Variants in DOP1A observed in about 807,000 individuals in gnomAD.
DOP1A encodes the protein DOP1 leucine zipper like protein A.
In DOP1A, 90 loss-of-function variants were observed where a neutral mutation model predicts 267.6. The ratio of observed to expected loss-of-function variants is 0.34; its 90% CI spans 0.28 to 0.40. The LOEUF is 0.40. DOP1A is among the 10% of genes least tolerant of loss of function. DOP1A has a pLI of 1.00. For synonymous variants in DOP1A, 932 were observed against 999.1 expected (o/e 0.93, Z 1.27); for missense variants, 2,437 against 2,900.4 (o/e 0.84, Z 3.67).
chr6:83,122,129 G>A, intron 11 of DOP1A, 79 bp downstream of exon 11: 1 of 1,504,812 alleles, frequency 6.6e-7, no homozygotes, highest in Non-Finnish European at 9.0e-7. Flanking sequence ...GTAATAACTT[G>A]GGATCCTACT....
At chr6:83,128,768 C>G (rs1777580585) in intron 15 of DOP1A, 119 bp from the exon 16 acceptor site, 1 of 1,201,042 alleles carries the variant, frequency 8.3e-7, no homozygotes, top group South Asian at 1.8e-5. Flanking sequence ...CTTTAAGAGT[C>G]AACAGAATGG....
At chr6:83,166,651 A>G (rs565255370) in intron 38 of DOP1A, 15 of 1,191,512 alleles carry the variant, frequency 1.3e-5, no homozygotes, top group African/African-American at 9.4e-5. Flanking sequence ...AATTTCAACA[A>G]TGCAAAAACC....
chr6:83,144,489 CAAA>C (rs1185164598), intron 24 of DOP1A, among the ~76,000 whole-genome samples: 3 of 152,010 alleles, frequency 2.0e-5, no homozygotes, highest in Non-Finnish European at 2.9e-5. Context: ...ATGAAGCAAA[CAAA>C]GCAGTTTATT....
chr6:83,164,735 T>G, intron 38 of DOP1A: 1 of 1,578,212 alleles, frequency 6.3e-7, no homozygotes, highest in Non-Finnish European at 8.6e-7. Flanking sequence ...GGTGGCTGTT[T>G]CATGCTTATG....
intron 1 of DOP1A, among the ~76,000 whole-genome samples, chr6:83,084,485 C>T (rs978090080): frequency 2.6e-5 from 4 of 152,176 alleles, no homozygotes; most frequent in African/African-American, 9.7e-5. Context: ...AAAACTTTTT[C>T]CAAATTTTTC....
chr6:83,152,071 T>A (rs1781782205), intron 29 of DOP1A, 44 bp downstream of exon 29: 6 of 1,604,200 alleles, frequency 3.7e-6, no homozygotes, highest in Admixed American at 1.7e-5. Flanking sequence ...TAAGCAGGCA[T>A]ATATTTACTA....
intron 4 of DOP1A, among the ~76,000 whole-genome samples, chr6:83,108,109 A>T (rs1321970655): frequency 6.6e-6 from 1 of 152,192 alleles, no homozygotes; most frequent in Non-Finnish European, 1.5e-5. Context: ...TGTTATATTC[A>T]AAAAATATCT....
chr6:83,170,670 C>A (rs1442805291), downstream of DOP1A: 2 of 529,728 alleles, frequency 3.8e-6, no homozygotes, highest in South Asian at 3.0e-5. Flanking sequence ...TAAAGAATTA[C>A]CTTTGGCAAA....
intron 1 of DOP1A, among the ~76,000 whole-genome samples, chr6:83,082,824 T>G (rs76957977): frequency 6.6e-6 from 1 of 152,026 alleles, no homozygotes; most frequent in African/African-American, 2.4e-5. Context: ...TTTTTTTTTT[T>G]TGAGACCGAG....
At position 83,081,133 on chromosome 6, in the gene DOP1A, G is replaced by GT. The variant is rs535197458; in HGVS notation, c.-147+13360dup. The stretch of plus-strand genomic sequence containing the variant: ...CAAACAACTGTTGGTTTGTTCGTTT[G>GT]TTTTTTGAGACAGAGTCTCACTCTG... On this transcript the variant is annotated intron_variant, in intron 1 of 38. Coordinates refer to ENST00000349129, the MANE Select transcript of DOP1A (RefSeq NM_015018.4). Among the ~76,000 whole-genome samples the GT allele has an allele frequency of 1.2e-4, 18 of 152,180 alleles. No homozygotes were observed. The East Asian group carries it at 3.5e-3, about 29-fold the overall frequency.
At chr6:83,114,854 C>T (rs932195806) in intron 7 of DOP1A, among the ~76,000 whole-genome samples, 1 of 152,044 alleles carries the variant, frequency 6.6e-6, no homozygotes, top group East Asian at 1.9e-4. Flanking sequence ...AAAGTATACA[C>T]CCAGTTCTAA....
intron 4 of DOP1A, among the ~76,000 whole-genome samples, chr6:83,105,361 T>C (rs1273308670): frequency 7.9e-6 from 1 of 127,326 alleles, no homozygotes. Context: ...TCTTTCTTTT[T>C]TTTTTTTTTT....
At chr6:83,162,332 G>T (rs995795260) in intron 37 of DOP1A, among the ~76,000 whole-genome samples, 24 of 151,982 alleles carry the variant, frequency 1.6e-4, no homozygotes, top group African/African-American at 4.6e-4. Context: ...TCTTAAATTC[G>T]TTCAATTTTT....
chr6:83,110,770 AAAATT>A (rs1454212350), intron 6 of DOP1A, among the ~76,000 whole-genome samples: 1 of 152,206 alleles, frequency 6.6e-6, no homozygotes, highest in Admixed American at 6.5e-5. Flanking sequence ...ATCATTTTGA[AAAATT>A]AAACAATTTG....
At chr6:83,134,537 C>T (rs1402622993) in intron 19 of DOP1A, 3 of 364,368 alleles carry the variant, frequency 8.2e-6, no homozygotes, top group Non-Finnish European at 1.5e-5. Flanking sequence ...TCATCACGTT[C>T]CTGATAATGT....
In DOP1A at chr6:83,168,265, CAG is replaced by C. The variant is rs1786339480; in HGVS notation, c.*100_*101del. 7 of 1,456,400 alleles carry C rather than the reference CAG, an allele frequency of 4.8e-6. No individual in the cohort carries two copies. Among genetic ancestry groups the C allele is most frequent in the Admixed American group, 2.7e-5 (1 of 37,488 alleles). The allele number at this position is 1,456,400 out of a possible 1,614,324, so 90.2% of individuals were successfully genotyped here. On this transcript the variant is annotated 3_prime_UTR_variant, in exon 39 of 39. Coordinates refer to ENST00000349129, the MANE Select transcript of DOP1A (RefSeq NM_015018.4). ...ATAGTTTTTCCTTTTTTGTATGTAA[CAG>C]AACACATTTCAGATTGTATTTAATT...
At chr6:83,155,002 C>A (rs958206705) in intron 33 of DOP1A, among the ~76,000 whole-genome samples, 4 of 152,042 alleles carry the variant, frequency 2.6e-5, no homozygotes, top group African/African-American at 7.2e-5. Context: ...CAACAGTGGG[C>A]CACGCATTGC....
intron 33 of DOP1A, 26 bp from the exon 34 acceptor site, chr6:83,155,923 TCA>T (rs1782702323): frequency 1.9e-6 from 3 of 1,600,528 alleles, no homozygotes; most frequent in South Asian, 1.1e-5. Flanking sequence ...GATGACAGTG[TCA>T]CAGTCTCTTT....
intron 21 of DOP1A, among the ~76,000 whole-genome samples, chr6:83,139,545 C>T (rs1779296801): frequency 1.3e-5 from 2 of 152,108 alleles, no homozygotes; most frequent in African/African-American, 4.8e-5. Context: ...TCTTTTCCAT[C>T]CAATTTTATT....
Sources: gnomAD v4.1 joint callset for allele counts (sites outside exome capture counted in the v4.1 genomes callset) on GRCh38, gnomAD v4.1.1 for gene constraint, MANE v1.5 for transcripts, NCBI Gene and HGNC (gene_info 2026-07-23, HGNC 2026-07-21) for gene names.